Variants in ACOT1 observed in about 807,000 individuals in gnomAD.
The protein encoded by ACOT1 is acyl-CoA thioesterase 1.
Under a neutral mutation model 15.7 loss-of-function variants are expected in ACOT1, and 8 were observed. The observed-to-expected ratio is 0.51, with a 90% CI of 0.30 to 0.92. The LOEUF (loss-of-function observed/expected upper bound fraction) is 0.92, where lower values mean the gene tolerates loss of function less well. Among genes scored for constraint, ACOT1 ranks in the 40% least tolerant of loss-of-function variants. ACOT1 has a pLI of 0.06. For synonymous variants in ACOT1, 67 were observed against 241.2 expected (o/e 0.28, Z 6.69); for missense variants, 151 against 539.4 (o/e 0.28, Z 7.13).
At chr14:73,519,299 C>T in the ACOT1 span, 4 of 725,058 alleles carry the variant, frequency 5.5e-6, no homozygotes, top group Non-Finnish European at 8.8e-6. Context: ...CTGCCATACT[C>T]TGGGGCATCC....
At chr14:73,535,705 T>A (rs1888847270), upstream of ACOT1, among the ~76,000 whole-genome samples, 3 of 112,650 alleles carry the variant, frequency 2.7e-5, 1 homozygote, top group South Asian at 8.4e-4. Context: ...GGTGTCGATC[T>A]GCTGACCTCG....
chr14:73,496,615 C>G, the ACOT1 span: 163 of 1,601,246 alleles, frequency 1.0e-4, no homozygotes, highest in Non-Finnish European at 1.3e-4. Flanking sequence ...TTCTTGATCT[C>G]CTGAAGCATT....
chr14:73,492,237 C>G, the ACOT1 span: 1 of 1,614,040 alleles, frequency 6.2e-7, no homozygotes, highest in Non-Finnish European at 8.5e-7. This position sits in a 1 kb window ranked among gnomAD's most constrained non-coding sequence, Gnocchi z 4.9. Flanking sequence ...ATTCACCAAG[C>G]TGAATGCCAG....
At chr14:73,522,520 G>A in the ACOT1 span, 63 of 1,614,184 alleles carry the variant, frequency 3.9e-5, no homozygotes, top group Admixed American at 1.0e-4. Flanking sequence ...CTGTGCGCTC[G>A]TTCAGCTTTT....
chr14:73,538,774 C>G lies in ACOT1; in HGVS notation c.457+896C>G, dbSNP rs1888971651. On this transcript the variant is annotated intron_variant, in intron 1 of 2. Transcript: ENST00000311148. ...AGGCGGATCAAGAGTTCGAGACCAG[C>G]CTGGCCAACATGGTGAAACCCCGTC... 2.6e-5 allele frequency among the ~76,000 whole-genome samples: 3 copies of G among 113,612 alleles called. 1 individual carries two copies. The highest frequency in any genetic ancestry group is 8.6e-5 in the African/African-American group (3 of 34,800). 74.5% of individuals were successfully genotyped at this position (113,612 alleles called of 152,430 possible). A position where few individuals can be genotyped will look rare whatever the true frequency, so the allele number is the denominator to read the frequency against.
At chr14:73,495,278 C>T in the ACOT1 span, 47,257 of 1,613,894 alleles carry the variant, frequency 0.029, 868 homozygotes, top group Non-Finnish European at 0.035. Flanking sequence ...TCCTTGTTCT[C>T]CTTTGGGTTT....
chr14:73,509,006 A>T, the ACOT1 span, among the ~76,000 whole-genome samples: 2 of 151,878 alleles, frequency 1.3e-5, no homozygotes, highest in Non-Finnish European at 2.9e-5. Context: ...AGCTGGGTCT[A>T]CAGGAGCACA....
the ACOT1 span, chr14:73,523,352 G>A: frequency 2.7e-5 from 15 of 559,378 alleles, no homozygotes; most frequent in Non-Finnish European, 4.7e-5. Flanking sequence ...ATGTGAGTTA[G>A]AAGAACAAAA....
rs1332681748 is a variant in ACOT1 at position 73,542,688 on chromosome 14, C to A, written c.661-362C>A. On this transcript the variant is annotated intron_variant, in intron 2 of 2. Coordinates refer to ENST00000311148, the MANE Select transcript of ACOT1 (RefSeq NM_001037161.2). ...CCCAAACTGTTGGGATTACAGGCGT[C>A]AGCCACCACGCCCGGCCATGAGATG... Among the ~76,000 whole-genome samples, 2 of 111,778 alleles carry A rather than the reference C, an allele frequency of 1.8e-5. 1 individual carries two copies. Among genetic ancestry groups the A allele is most frequent in the African/African-American group, 6.1e-5 (2 of 33,004 alleles). 73.3% of individuals were successfully genotyped at this position (111,778 alleles called of 152,430 possible). A position where few individuals can be genotyped will look rare whatever the true frequency, so the allele number is the denominator to read the frequency against.
the ACOT1 span, chr14:73,506,706 A>T: frequency 1.1e-5 from 6 of 564,986 alleles, no homozygotes; most frequent in South Asian, 2.5e-5. Flanking sequence ...GCATGTTTCC[A>T]TCACAGCCAA....
the ACOT1 span, among the ~76,000 whole-genome samples, chr14:73,515,210 T>C: frequency 6.6e-6 from 1 of 152,134 alleles, no homozygotes; most frequent in Non-Finnish European, 1.5e-5. Context: ...CATTTCCAGA[T>C]GTACTAAATT....
At chr14:73,506,615 A>G in the ACOT1 span, 192 of 1,409,236 alleles carry the variant, frequency 1.4e-4, no homozygotes, top group African/African-American at 1.1e-3. Flanking sequence ...AATCACTTTT[A>G]GAGATACTAG....
chr14:73,510,371 G>T, the ACOT1 span, among the ~76,000 whole-genome samples: 1 of 152,000 alleles, frequency 6.6e-6, no homozygotes, highest in African/African-American at 2.4e-5. Context: ...TATGGGACAG[G>T]AGCATAGTTT....
the ACOT1 span, chr14:73,522,576 G>T: frequency 6.2e-7 from 1 of 1,614,206 alleles, no homozygotes; most frequent in Non-Finnish European, 8.5e-7. Flanking sequence ...TCAGGAGGCA[G>T]AAGCCAGGCT....
the ACOT1 span, chr14:73,500,562 G>A: frequency 1.9e-6 from 3 of 1,613,198 alleles, no homozygotes; most frequent in Non-Finnish European, 2.5e-6. Flanking sequence ...TCTTGTCGCG[G>A]ATCTGCAGGG....
chr14:73,509,784 A>G, the ACOT1 span, among the ~76,000 whole-genome samples: 1 of 124,788 alleles, frequency 8.0e-6, no homozygotes, highest in East Asian at 2.5e-4. Context: ...TTTAGTGATT[A>G]AAAGCAACCA....
At chr14:73,508,998 C>T in the ACOT1 span, among the ~76,000 whole-genome samples, 1 of 151,900 alleles carries the variant, frequency 6.6e-6, no homozygotes, top group African/African-American at 2.4e-5. Flanking sequence ...TCCTAGGTAG[C>T]TGGGTCTACA....
At chr14:73,499,098 A>G in the ACOT1 span, 4 of 1,614,112 alleles carry the variant, frequency 2.5e-6, no homozygotes, top group African/African-American at 4.0e-5. Flanking sequence ...TTGATTTTCC[A>G]GTAAGGATCT....
the ACOT1 span, among the ~76,000 whole-genome samples, chr14:73,509,645 C>G: frequency 6.6e-6 from 1 of 151,182 alleles, no homozygotes; most frequent in African/African-American, 2.4e-5. Flanking sequence ...ATTTTCTGCT[C>G]AAGGTGTTAA....
Sources: gnomAD v4.1 joint callset for allele counts (sites outside exome capture counted in the v4.1 genomes callset) on GRCh38, gnomAD v4.1.1 for gene constraint, Gnocchi (gnomAD v3.1) non-coding constraint, MANE v1.5 for transcripts, NCBI Gene and HGNC (gene_info 2026-07-23, HGNC 2026-07-21) for gene names.